The following CCNY variants were observed in gnomAD, a reference collection of about 807,000 sequenced individuals.
The protein encoded by CCNY is cyclin-Y.
CCNY carries 19 observed loss-of-function variants against 42.8 expected under a neutral mutation model. That is an observed-to-expected ratio of 0.44 (90% CI 0.31 to 0.65). The LOEUF is 0.65. CCNY is among the 30% of genes least tolerant of loss of function. The pLI is 0.07. For missense variants in CCNY, 370 were observed against 437.3 expected, an observed-to-expected ratio of 0.85 and a Z score of 1.37; for synonymous variants, 165 against 162.7, an observed-to-expected ratio of 1.01 and a Z score of -0.11.
At chr10:35,428,015 G>A (rs140346661) in intron 1 of CCNY, among the ~76,000 whole-genome samples, 4 of 152,260 alleles carry the variant, frequency 2.6e-5, no homozygotes, top group South Asian at 4.1e-4. Context: ...AAATTGGACC[G>A]ACTATCTTTA....
chr10:35,386,899 G>A (rs1356455292), intron 1 of CCNY, among the ~76,000 whole-genome samples: 1 of 152,150 alleles, frequency 6.6e-6, no homozygotes, highest in African/African-American at 2.4e-5. Context: ...TTCTCTGAAA[G>A]CGTTGGGAGT....
In CCNY at chr10:35,272,286, CTT is replaced by C. The variant is rs771994509; in HGVS notation, c.-9+21674_-9+21675del. Among the ~76,000 whole-genome samples, 51 of 139,342 alleles carry C rather than the reference CTT, an allele frequency of 3.7e-4. 1 individual carries two copies. The highest frequency in any genetic ancestry group is 2.7e-3 in the Admixed American group (37 of 13,872). 91.4% of individuals were successfully genotyped at this position (139,342 alleles called of 152,430 possible). A position where few individuals can be genotyped will look rare whatever the true frequency, so the allele number is the denominator to read the frequency against. ...ACAGGCGTGAGCCACTGTGCCTGGC[CTT>C]TTTTTTTTTTTTTAACTTTTTACAT... On this transcript the variant is annotated intron_variant, in intron 3 of 11. Transcript: ENST00000374706.
chr10:35,444,930 T>G (rs1019940852), intron 1 of CCNY, among the ~76,000 whole-genome samples: 11 of 152,242 alleles, frequency 7.2e-5, no homozygotes, highest in Admixed American at 7.2e-4. Context: ...TGAGAGGAGC[T>G]TCCAAATAGA....
At chr10:35,525,033 T>C (rs549873603) in intron 4 of CCNY, among the ~76,000 whole-genome samples, 35 of 152,368 alleles carry the variant, frequency 2.3e-4, no homozygotes, top group Admixed American at 9.1e-4. Flanking sequence ...ATTGGGATGT[T>C]CATTATGGTA....
At chr10:35,392,358 G>A (rs1837432556) in intron 1 of CCNY, among the ~76,000 whole-genome samples, 2 of 152,218 alleles carry the variant, frequency 1.3e-5, no homozygotes, top group Admixed American at 1.3e-4. Flanking sequence ...TGTGAAGGAT[G>A]TAGAGTGACC....
At chr10:35,391,251 C>T (rs1318733461) in intron 1 of CCNY, among the ~76,000 whole-genome samples, 3 of 152,178 alleles carry the variant, frequency 2.0e-5, no homozygotes, top group African/African-American at 7.2e-5. Context: ...CCCCTATTGG[C>T]TAGGGTTGGA....
Position 35,452,115 on chromosome 10 carries a change from G to A in CCNY, c.155-31289G>A, listed in dbSNP as rs920012516. On this transcript the variant is annotated intron_variant, in intron 1 of 9. Transcript: ENST00000374704. ...CCTGAATTAATTTATATGGGAGCAA[G>A]TGCTGCCTTTTTTGCTGTTGAGTAC... 2.1e-4 allele frequency among the ~76,000 whole-genome samples: 32 copies of A among 152,264 alleles called. 1 individual carries two copies. Among genetic ancestry groups the A allele is most frequent in the Middle Eastern group, 3.4e-3 (1 of 294 alleles).
chr10:35,460,900 A>T (rs1285239666), intron 1 of CCNY, among the ~76,000 whole-genome samples: 1 of 152,150 alleles, frequency 6.6e-6, no homozygotes, highest in East Asian at 1.9e-4. Flanking sequence ...TAAGATGAAC[A>T]GGATACAGTA....
intron 7 of CCNY, among the ~76,000 whole-genome samples, chr10:35,546,842 G>A (rs963793489): frequency 6.6e-6 from 1 of 152,158 alleles, no homozygotes. Context: ...TTAAAAGTCA[G>A]AAGAAAACAT....
At chr10:35,565,934 TG>T in intron 8 of CCNY, 88 bp from the exon 9 acceptor site, 1 of 1,311,102 alleles carries the variant, frequency 7.6e-7, no homozygotes, top group Non-Finnish European at 1.1e-6. Context: ...TGCAGTTTTC[TG>T]GAGTCTGGTC....
At chr10:35,418,398 G>A (rs528114200) in intron 1 of CCNY, among the ~76,000 whole-genome samples, 1 of 152,252 alleles carries the variant, frequency 6.6e-6, no homozygotes, top group Admixed American at 6.5e-5. Flanking sequence ...GAGGGAAGAT[G>A]GAGAGAACAA....
chr10:35,541,418 G>A (rs1024252971), intron 7 of CCNY, among the ~76,000 whole-genome samples: 47 of 151,926 alleles, frequency 3.1e-4, no homozygotes, highest in Admixed American at 1.3e-4. Flanking sequence ...TTATTTTTGC[G>A]ACGGATCTCA....
chr10:35,301,999 T>C (rs961693155), intron 3 of CCNY, among the ~76,000 whole-genome samples: 1 of 151,924 alleles, frequency 6.6e-6, no homozygotes, highest in African/African-American at 2.4e-5. Context: ...GTTTTGCTCT[T>C]ATCGTCCAGG....
At chr10:35,290,148 C>G (rs935444688) in intron 3 of CCNY, among the ~76,000 whole-genome samples, 3 of 151,514 alleles carry the variant, frequency 2.0e-5, no homozygotes, top group African/African-American at 7.3e-5. Context: ...ATCTCTTGAA[C>G]CCAGGAGGCA....
At chr10:35,554,327 C>T (rs1841320351) in intron 8 of CCNY, among the ~76,000 whole-genome samples, 1 of 152,132 alleles carries the variant, frequency 6.6e-6, no homozygotes, top group Non-Finnish European at 1.5e-5. Context: ...TGTTGCAGAG[C>T]CTATTCCTGC....
At chr10:35,540,383 C>G (rs185544011) in intron 7 of CCNY, among the ~76,000 whole-genome samples, 7 of 152,308 alleles carry the variant, frequency 4.6e-5, no homozygotes, top group African/African-American at 1.4e-4. Context: ...ACCCCGCATT[C>G]CGGGATAATT....
intron 3 of CCNY, among the ~76,000 whole-genome samples, chr10:35,280,061 T>G (rs1159678566): frequency 6.6e-6 from 1 of 152,224 alleles, no homozygotes; most frequent in Non-Finnish European, 1.5e-5. Context: ...ATCTCCACGT[T>G]TCATCTTTGT....
Position 35,401,246 on chromosome 10 carries a change from A to G in CCNY, c.154+64039A>G, listed in dbSNP as rs116380165. Among the ~76,000 whole-genome samples the G allele has an allele frequency of 7.0e-3, 1,072 of 152,338 alleles. 11 individuals are homozygous for G. The highest frequency in any genetic ancestry group is 0.025 in the African/African-American group (1,023 of 41,574). On this transcript the variant is annotated intron_variant, in intron 1 of 9. Coordinates refer to ENST00000374704, the MANE Select transcript of CCNY (RefSeq NM_145012.6). ...TAGAATAGGGAGCTGAGAGGCAGAG[A>G]TGAGTGCAGAGGACTGCGTAGAGGA...
At chr10:35,337,547 G>T (rs1020289910) in intron 1 of CCNY, among the ~76,000 whole-genome samples, 4 of 152,220 alleles carry the variant, frequency 2.6e-5, no homozygotes, top group Admixed American at 1.3e-4. Flanking sequence ...CGGGAGCTCG[G>T]GGTTCCCGGC....
Sources: allele counts gnomAD v4.1 joint callset (sites outside exome capture counted in the v4.1 genomes callset), GRCh38; gene constraint gnomAD v4.1.1; transcripts MANE v1.5; gene names NCBI Gene and HGNC (gene_info 2026-07-23, HGNC 2026-07-21).